Variants in ROR2 observed in about 807,000 individuals in gnomAD.
ROR2 encodes ROR family WNT receptor 2, also known as tyrosine-protein kinase transmembrane receptor ROR2.
Under a neutral mutation model 74.9 loss-of-function variants are expected in ROR2, and 33 were observed. That is an observed-to-expected ratio of 0.44 (90% CI 0.33 to 0.59). ROR2 has a LOEUF of 0.59. Among genes scored for constraint, ROR2 ranks in the 20% least tolerant of loss-of-function variants. The probability of loss-of-function intolerance (pLI) is 0.02; values close to 1 mark genes in which losing one functional copy is unlikely to be tolerated. For synonymous variants in ROR2, 586 were observed against 558.7 expected (o/e 1.05, Z -0.69); for missense variants, 1,216 against 1,313.8 (o/e 0.93, Z 1.15).
intron 1 of ROR2, among the ~76,000 whole-genome samples, chr9:91,846,578 G>A (rs1828937707): frequency 6.6e-6 from 1 of 152,208 alleles, no homozygotes; most frequent in Non-Finnish European, 1.5e-5. Context: ...ACTTTCTGCA[G>A]AGAATTGAAG....
chr9:91,867,355 G>A (rs1194820902), intron 1 of ROR2, among the ~76,000 whole-genome samples: 1 of 152,222 alleles, frequency 6.6e-6, no homozygotes, highest in Non-Finnish European at 1.5e-5. Flanking sequence ...ACAAGTAACT[G>A]CAGTAGCTTA....
At chr9:91,871,884 G>A (rs544982605) in intron 1 of ROR2, among the ~76,000 whole-genome samples, 5 of 152,218 alleles carry the variant, frequency 3.3e-5, no homozygotes, top group Non-Finnish European at 5.9e-5. Context: ...ATGTCAGTGC[G>A]CCATCTTCAT....
chr9:91,726,554 T>C lies in ROR2; in HGVS notation c.1373A>G (p.Asn458Ser). 2 of 1,612,428 alleles carry C rather than the reference T, an allele frequency of 1.2e-6. No individual in the cohort carries two copies. Among genetic ancestry groups the C allele is most frequent in the Non-Finnish European group, 1.7e-6 (2 of 1,180,018 alleles). ...PSQDMEMPLI[N>S]QHKQAKLKEI... ...AGGCATGGAGACCTGTTTGTGCTGG[T>C]TAATGAGGGGCATTTCCATGTCTTG... Residue 458 changes from asparagine (N) to serine (S), a missense_variant, in exon 8 of 9, where the codon AAC (asparagine) becomes AGC (serine). Coordinates refer to ENST00000375708, the MANE Select transcript of ROR2 (RefSeq NM_004560.4).
At chr9:91,920,773 G>C (rs1363029612) in intron 1 of ROR2, among the ~76,000 whole-genome samples, 3 of 152,228 alleles carry the variant, frequency 2.0e-5, no homozygotes, top group Non-Finnish European at 4.4e-5. Flanking sequence ...AGAGGTGACA[G>C]AGCTACAGGC....
chr9:91,767,079 G>GATT (rs754818380), intron 2 of ROR2, among the ~76,000 whole-genome samples: 404 of 142,732 alleles, frequency 2.8e-3, no homozygotes, highest in Non-Finnish European at 3.9e-3. Context: ...AATGACTTAC[G>GATT]GTTTTTTTTT....
At chr9:91,893,658 C>A (rs1246961061) in intron 1 of ROR2, among the ~76,000 whole-genome samples, 1 of 152,162 alleles carries the variant, frequency 6.6e-6, no homozygotes, top group Non-Finnish European at 1.5e-5. Flanking sequence ...GACTAATACA[C>A]CACATATGTA....
intron 1 of ROR2, among the ~76,000 whole-genome samples, chr9:91,842,157 A>G (rs1828800724): frequency 6.6e-6 from 1 of 152,170 alleles, no homozygotes; most frequent in African/African-American, 2.4e-5. Context: ...AGGAGAGAAA[A>G]AGCATAAAGA....
chr9:91,887,886 G>C (rs1830330750), intron 1 of ROR2, among the ~76,000 whole-genome samples: 1 of 139,814 alleles, frequency 7.2e-6, no homozygotes. Flanking sequence ...CTGCCTCCCG[G>C]GTTGAAGCAA....
intron 1 of ROR2, among the ~76,000 whole-genome samples, chr9:91,946,944 A>T (rs1257481956): frequency 6.6e-6 from 1 of 151,768 alleles, no homozygotes; most frequent in Non-Finnish European, 1.5e-5. Flanking sequence ...TAAAATTCAG[A>T]CTCTGCCAGA....
chr9:91,921,079 A>G (rs1831251559), intron 1 of ROR2, among the ~76,000 whole-genome samples: 1 of 152,366 alleles, frequency 6.6e-6, no homozygotes, highest in African/African-American at 2.4e-5. Flanking sequence ...CTCATGTCCC[A>G]TCCTCAACCA....
At chr9:91,938,083 C>A (rs1406898914) in intron 1 of ROR2, among the ~76,000 whole-genome samples, 1 of 152,176 alleles carries the variant, frequency 6.6e-6, no homozygotes, top group African/African-American at 2.4e-5. Context: ...TAAACAACTT[C>A]AGCTAAAATA....
chr9:91,939,168 T>C (rs1831780626), intron 1 of ROR2, among the ~76,000 whole-genome samples: 1 of 152,000 alleles, frequency 6.6e-6, no homozygotes. Flanking sequence ...GGGAATTGCC[T>C]GAACCCGGAA....
At position 91,726,718 on chromosome 9, in the gene ROR2, C is replaced by G. The variant is rs531980996; in HGVS notation, c.1209G>C (p.Gly403=). The G allele has an allele frequency of 6.2e-7, 1 of 1,614,008 alleles. No individual in the cohort carries two copies. Among genetic ancestry groups the G allele is most frequent in the South Asian group, 1.1e-5 (1 of 91,044 alleles). The part of the protein sequence containing the change: ...SCSPRDSSKM[G]ILYILVPSIA... ...TGCTGGGGACCAAGATGTACAGAAT[C>G]CCCATCTTGCTGCTGTCTCGGGGAC... Residue 403 remains glycine (G), a synonymous_variant, in exon 8 of 9, where the codon GGG becomes GGC. Coordinates refer to ENST00000375708, the MANE Select transcript of ROR2 (RefSeq NM_004560.4).
intron 1 of ROR2, among the ~76,000 whole-genome samples, chr9:91,802,248 T>G (rs969482514): frequency 2.6e-5 from 4 of 151,932 alleles, no homozygotes; most frequent in Non-Finnish European, 4.4e-5. Flanking sequence ...TAACTTTTTT[T>G]TGTATTTTTA....
chr9:91,938,413 G>C (rs1831757799), intron 1 of ROR2, among the ~76,000 whole-genome samples: 1 of 152,128 alleles, frequency 6.6e-6, no homozygotes, highest in Non-Finnish European at 1.5e-5. Context: ...CCCTGAGATT[G>C]CACCACCACA....
chr9:91,816,084 C>T (rs1045134383), intron 1 of ROR2, among the ~76,000 whole-genome samples: 10 of 152,132 alleles, frequency 6.6e-5, no homozygotes, highest in African/African-American at 2.2e-4. Context: ...GCTCCCTCTT[C>T]CCTGGATTCC....
chr9:91,800,354 A>AAGAGAGAG (rs1554763426), intron 1 of ROR2, among the ~76,000 whole-genome samples: 5 of 149,390 alleles, frequency 3.3e-5, no homozygotes, highest in African/African-American at 1.3e-4. Context: ...AAAAAAAAAA[A>AAGAGAGAG]AGAGAGAGAG....
chr9:91,800,267 G>A (rs907339301), intron 1 of ROR2, among the ~76,000 whole-genome samples: 15 of 151,994 alleles, frequency 9.9e-5, no homozygotes, highest in African/African-American at 1.7e-4. Flanking sequence ...GCTTGAACCC[G>A]GGAGGCGGAG....
At chr9:91,786,621 C>A (rs1826812786) in intron 1 of ROR2, among the ~76,000 whole-genome samples, 1 of 152,178 alleles carries the variant, frequency 6.6e-6, no homozygotes. Context: ...GTGAGAGACT[C>A]CACTTGTGGA....
Sources: gnomAD v4.1 joint callset for allele counts (sites outside exome capture counted in the v4.1 genomes callset) on GRCh38, gnomAD v4.1.1 for gene constraint, MANE v1.5 for transcripts, NCBI Gene and HGNC (gene_info 2026-07-23, HGNC 2026-07-21) for gene names.